FAM13A: variants seen among roughly 807,000 people sequenced by gnomAD.
The protein encoded by FAM13A is family with sequence similarity 13 member A, also known as protein FAM13A.
In FAM13A, 76 loss-of-function variants were observed where a neutral mutation model predicts 129.6. The observed-to-expected ratio is 0.59, with a 90% confidence interval of 0.49 to 0.71. FAM13A has a LOEUF of 0.71. Among genes scored for constraint, FAM13A ranks in the 30% least tolerant of loss-of-function variants. FAM13A has a pLI of 0.00. For missense variants in FAM13A, 1,108 were observed against 1,249.3 expected, an observed-to-expected ratio of 0.89 and a Z score of 1.70; for synonymous variants, 443 against 449.9, an observed-to-expected ratio of 0.98 and a Z score of 0.20.
At chr4:89,029,672 G>C in intron 1 of FAM13A, 23 bp from the exon 2 acceptor site, 2 of 1,565,772 alleles carry the variant, frequency 1.3e-6, no homozygotes, top group South Asian at 1.2e-5. Context: ...TAAGAAAAAA[G>C]AGCAGTCAGT....
At chr4:88,961,688 T>C (rs966153295) in intron 4 of FAM13A, among the ~76,000 whole-genome samples, 1 of 152,024 alleles carries the variant, frequency 6.6e-6, no homozygotes. Context: ...TTTAGTGGTG[T>C]GTGGAAGAAG....
chr4:88,822,881 A>G (rs755044834), intron 7 of FAM13A: 16 of 1,547,020 alleles, frequency 1.0e-5, no homozygotes, highest in Non-Finnish European at 1.4e-5. Context: ...ACTTTGCAGC[A>G]TGTTACTAAA....
intron 5 of FAM13A, among the ~76,000 whole-genome samples, chr4:88,921,686 A>T (rs1165134932): frequency 6.6e-6 from 1 of 152,226 alleles, no homozygotes; most frequent in Non-Finnish European, 1.5e-5. Context: ...GACAGGATCA[A>T]ATTCACACAA....
chr4:88,847,761 C>G (rs921525309), intron 7 of FAM13A, among the ~76,000 whole-genome samples: 8 of 152,196 alleles, frequency 5.3e-5, no homozygotes, highest in African/African-American at 1.9e-4. Flanking sequence ...GGTGAAACCC[C>G]GTCTCTACTA....
intron 6 of FAM13A, among the ~76,000 whole-genome samples, chr4:88,854,439 A>T (rs1310563274): frequency 3.3e-5 from 5 of 152,222 alleles, no homozygotes; most frequent in Admixed American, 1.3e-4. Context: ...CAAAATGGCC[A>T]AGGGTTGGGG....
intron 8 of FAM13A, among the ~76,000 whole-genome samples, chr4:88,792,418 T>G (rs922940762): frequency 1.3e-5 from 2 of 152,078 alleles, no homozygotes; most frequent in African/African-American, 4.8e-5. Context: ...GTATTTTACT[T>G]TGCTTTTAAT....
At chr4:88,828,029 A>G (rs1733309585) in intron 7 of FAM13A, among the ~76,000 whole-genome samples, 1 of 152,166 alleles carries the variant, frequency 6.6e-6, no homozygotes, top group South Asian at 2.1e-4. Flanking sequence ...TTTCTATCCT[A>G]AATATTTGCT....
intron 4 of FAM13A, among the ~76,000 whole-genome samples, chr4:88,964,506 A>G (rs188322804): frequency 6.6e-6 from 1 of 151,988 alleles, no homozygotes; most frequent in African/African-American, 2.4e-5. Context: ...TAATTATTAA[A>G]CTAGATTTTT....
intron 6 of FAM13A, among the ~76,000 whole-genome samples, chr4:88,899,031 A>G (rs1746808375): frequency 6.6e-6 from 1 of 151,998 alleles, no homozygotes; most frequent in African/African-American, 2.4e-5. Flanking sequence ...AAAGCCCATC[A>G]ATCAATGAGT....
intron 6 of FAM13A, among the ~76,000 whole-genome samples, chr4:88,872,880 T>C (rs187590162): frequency 6.6e-6 from 1 of 152,168 alleles, no homozygotes; most frequent in African/African-American, 2.4e-5. Flanking sequence ...ATTGACCACA[T>C]AGTTGGAAGT....
At chr4:89,007,895 A>G (rs1464226266) in intron 3 of FAM13A, among the ~76,000 whole-genome samples, 1 of 152,246 alleles carries the variant, frequency 6.6e-6, no homozygotes, top group Non-Finnish European at 1.5e-5. Flanking sequence ...ACTAAGCAAT[A>G]AGTAGTCACC....
chr4:88,930,623 T>C (rs551241179), intron 5 of FAM13A, among the ~76,000 whole-genome samples: 1 of 152,166 alleles, frequency 6.6e-6, no homozygotes, highest in Non-Finnish European at 1.5e-5. Context: ...CAGCTTACTT[T>C]AGCTTGCTGC....
intron 7 of FAM13A, among the ~76,000 whole-genome samples, chr4:88,834,792 A>T (rs553729063): frequency 4.1e-4 from 62 of 152,286 alleles, no homozygotes; most frequent in African/African-American, 1.5e-3. Context: ...ATTTGGCCAA[A>T]CCAAGTGATA....
chr4:88,738,545 C>T (rs1465852711), intron 20 of FAM13A, among the ~76,000 whole-genome samples: 1 of 152,212 alleles, frequency 6.6e-6, no homozygotes, highest in Non-Finnish European at 1.5e-5. Context: ...TCCTTTCCTA[C>T]ACCTTGCCAC....
At chr4:88,858,405 G>T (rs1738909817) in intron 6 of FAM13A, among the ~76,000 whole-genome samples, 1 of 152,156 alleles carries the variant, frequency 6.6e-6, no homozygotes, top group Non-Finnish European at 1.5e-5. Flanking sequence ...TTTTCATTCT[G>T]TTACATAAAA....
intron 4 of FAM13A, among the ~76,000 whole-genome samples, chr4:88,957,820 C>T (rs540052355): frequency 9.9e-5 from 15 of 152,156 alleles, no homozygotes; most frequent in African/African-American, 1.9e-4. Context: ...CCATGTTATG[C>T]GTTAGCAAGG....
Position 88,943,368 on chromosome 4 carries a change from G to A in FAM13A, c.606-5127C>T, listed in dbSNP as rs568261101. On this transcript the variant is annotated intron_variant, in intron 4 of 23. Coordinates refer to ENST00000264344, the MANE Select transcript of FAM13A (RefSeq NM_014883.4). The stretch of plus-strand genomic sequence containing the variant: ...TTTAATCTTTGAGTTCCAATTGTAT[G>A]GATATGTTATTGATATGTGCTCCAA... Among the ~76,000 whole-genome samples the A allele has an allele frequency of 2.6e-5, 4 of 152,272 alleles. No homozygotes were observed. In the South Asian group the frequency reaches 8.3e-4, roughly 32 times the overall value.
intron 14 of FAM13A, among the ~76,000 whole-genome samples, chr4:88,757,903 C>T (rs1744008212): frequency 6.6e-6 from 1 of 152,150 alleles, no homozygotes; most frequent in African/African-American, 2.4e-5. Context: ...GCTAAGACCT[C>T]CTGGTAAGTC....
At chr4:88,755,657 A>T (rs1156654552) in intron 14 of FAM13A, among the ~76,000 whole-genome samples, 1 of 152,212 alleles carries the variant, frequency 6.6e-6, no homozygotes, top group African/African-American at 2.4e-5. Context: ...TGGCCTCAGT[A>T]TTCTCATCTG....
Sources: gnomAD v4.1 joint callset for allele counts (sites outside exome capture counted in the v4.1 genomes callset) on GRCh38, gnomAD v4.1.1 for gene constraint, MANE v1.5 for transcripts, NCBI Gene and HGNC (gene_info 2026-07-23, HGNC 2026-07-21) for gene names.